ADAMTS14: variants seen among roughly 807,000 people sequenced by gnomAD.
ADAMTS14 encodes A disintegrin and metalloproteinase with thrombospondin motifs 14.
A neutral mutation model predicts 128.6 loss-of-function variants in ADAMTS14; 100 were observed. The ratio of observed to expected loss-of-function variants is 0.78; its 90% CI spans 0.66 to 0.92. The LOEUF is 0.92. Among genes scored for constraint, ADAMTS14 ranks in the 40% least tolerant of loss-of-function variants. The probability of loss-of-function intolerance (pLI) is 0.00; values close to 1 mark genes in which losing one functional copy is unlikely to be tolerated. For synonymous variants in ADAMTS14, 665 were observed against 653.8 expected (o/e 1.02, Z -0.26); for missense variants, 1,562 against 1,658.6 (o/e 0.94, Z 1.01).
intron 4 of ADAMTS14, among the ~76,000 whole-genome samples, chr10:70,709,577 T>C (rs1022334294): frequency 1.5e-5 from 2 of 135,106 alleles, no homozygotes; most frequent in Non-Finnish European, 1.5e-5. Flanking sequence ...CTCGGCTCAC[T>C]GCAAGCTCCA....
Position 70,729,328 on chromosome 10 carries a change from T to C in ADAMTS14, c.905T>C (p.Val302Ala), listed in dbSNP as rs145632694. 585 of 1,613,910 alleles carry C rather than the reference T, an allele frequency of 3.6e-4. 1 individual carries two copies. Among genetic ancestry groups the C allele is most frequent in the Non-Finnish European group, 4.7e-4 (551 of 1,179,964 alleles). Reference protein sequence around the residue: ...DEIYHDESLGVHINIALVRLI... With the variant: ...DEIYHDESLGAHINIALVRLI... The stretch of plus-strand genomic sequence containing the variant: ...ATTTACCACGATGAGTCCCTGGGGG[T>C]TCATATAAATATTGCCCTCGTCCGC... Residue 302 changes from valine to alanine, a missense_variant, in exon 5 of 22, where the codon GTT (valine) becomes GCT (alanine). Physicochemically the swap from Val to Ala is moderately conservative, Grantham distance 64. Coordinates refer to ENST00000373207, the MANE Select transcript of ADAMTS14 (RefSeq NM_080722.4).
At chr10:70,684,265 C>T (rs1370460140) in intron 2 of ADAMTS14, among the ~76,000 whole-genome samples, 1 of 152,104 alleles carries the variant, frequency 6.6e-6, no homozygotes, top group Non-Finnish European at 1.5e-5. Context: ...GTGATTCAAT[C>T]ACCTCCTAGC....
rs1449842529 is a variant in ADAMTS14, at chr10:70,760,889, CTG to C, written c.*40_*41del. On this transcript the variant is annotated 3_prime_UTR_variant, in exon 22 of 22. Transcript: ENST00000373207. ...GCCATCCCACTGGCACGTTTACACT[CTG>C]TGTACTGCCCCGTGACTCCCAGCTC... The C allele has an allele frequency of 1.3e-6, 2 of 1,527,414 alleles. No individual in the cohort carries two copies. The highest frequency in any genetic ancestry group is 1.8e-6 in the Non-Finnish European group (2 of 1,136,132). The allele number at this position is 1,527,414 out of a possible 1,614,324, so 94.6% of individuals were successfully genotyped here.
At chr10:70,729,116 T>C (rs1373365040) in intron 4 of ADAMTS14, among the ~76,000 whole-genome samples, 178 bp from the exon 5 acceptor site, 12 of 151,896 alleles carry the variant, frequency 7.9e-5, no homozygotes, top group African/African-American at 2.9e-4. Context: ...CAGTGTGTCC[T>C]CGGGCAGGTC....
Position 70,752,245 on chromosome 10 carries a change from G to A in ADAMTS14, c.2729+18G>A, listed in dbSNP as rs1842372040. The A allele has an allele frequency of 3.1e-6, 5 of 1,612,396 alleles. No individual in the cohort carries two copies. Among genetic ancestry groups the A allele is most frequent in the Middle Eastern group, 3.3e-4 (2 of 6,070 alleles). ...CAGCCTGTGTGAGTGCTCCCAGGGAGGGACGGGGAGTCTGGTTCTATGCCT... is the reference window on the plus strand; with the variant it reads ...CAGCCTGTGTGAGTGCTCCCAGGGAAGGACGGGGAGTCTGGTTCTATGCCT... On this transcript the variant is annotated intron_variant, in intron 18 of 21. Transcript: ENST00000373207.
Position 70,741,269 on chromosome 10 carries a change from G to C in ADAMTS14, c.1924+107G>C, listed in dbSNP as rs1022088857. ...CCTACATACACCAGTGAAGGTGGAG[G>C]GACAGTGGGGGTGCCAAAAGGGACA... is the stretch of plus-strand genomic sequence containing the variant. On this transcript the variant is annotated intron_variant, in intron 12 of 21. Coordinates refer to ENST00000373207, the MANE Select transcript of ADAMTS14 (RefSeq NM_080722.4). 3.0e-6 allele frequency: 4 copies of C among 1,345,508 alleles called. No individual in the cohort carries two copies. In the African/African-American group the frequency reaches 5.8e-5, roughly 20 times the overall value. 83.3% of individuals were successfully genotyped at this position (1,345,508 alleles called of 1,614,324 possible).
At chr10:70,713,196 G>A (rs1840914794) in intron 4 of ADAMTS14, among the ~76,000 whole-genome samples, 1 of 152,244 alleles carries the variant, frequency 6.6e-6, no homozygotes, top group South Asian at 2.1e-4. Flanking sequence ...GGTGTCGGCA[G>A]GTTCTGGAGG....
At chr10:70,710,557 T>A (rs1346210570) in intron 4 of ADAMTS14, among the ~76,000 whole-genome samples, 2 of 152,334 alleles carry the variant, frequency 1.3e-5, no homozygotes, top group Non-Finnish European at 2.9e-5. Flanking sequence ...GCTGGGAGGC[T>A]GTAAGAGATG....
At chr10:70,752,346 C>T (rs1162762278) in intron 18 of ADAMTS14, 119 bp downstream of exon 18, 1 of 1,397,140 alleles carries the variant, frequency 7.2e-7, no homozygotes, top group African/African-American at 1.5e-5. Flanking sequence ...ACCATACAGG[C>T]AACACAACTT....
intron 7 of ADAMTS14, among the ~76,000 whole-genome samples, chr10:70,732,866 C>A (rs1841692400): frequency 1.3e-5 from 2 of 152,214 alleles, no homozygotes; most frequent in African/African-American, 4.8e-5. Flanking sequence ...CTTGCCTGAT[C>A]TTAGGGCTTT....
intron 2 of ADAMTS14, among the ~76,000 whole-genome samples, chr10:70,676,028 G>A (rs989236293): frequency 7.2e-5 from 11 of 152,112 alleles, no homozygotes; most frequent in African/African-American, 2.2e-4. Context: ...TGCTGATTTC[G>A]TGGCTGCCTC....
chr10:70,724,223 T>C (rs1564539210), intron 4 of ADAMTS14, among the ~76,000 whole-genome samples: 3 of 152,172 alleles, frequency 2.0e-5, no homozygotes, highest in Non-Finnish European at 2.9e-5. Context: ...TTATCTCAGG[T>C]CAATATGTGG....
Position 70,672,891 on chromosome 10 carries a change from G to A in ADAMTS14, c.82+7G>A. Reference sequence around the variant, plus strand: ...GCGGGCAGCCGGACCCCAGGTGCGTGCGGGTTGGGCGCGCGGGGGCCCGTG... The same window carrying A: ...GCGGGCAGCCGGACCCCAGGTGCGTACGGGTTGGGCGCGCGGGGGCCCGTG... On this transcript the variant is annotated splice_region_variant and intron_variant, in intron 1 of 21. Coordinates refer to ENST00000373207, the MANE Select transcript of ADAMTS14 (RefSeq NM_080722.4). 1 of 1,465,780 alleles carries A rather than the reference G, an allele frequency of 6.8e-7. No homozygotes were observed. The highest frequency in any genetic ancestry group is 9.0e-7 in the Non-Finnish European group (1 of 1,116,376). 90.8% of individuals were successfully genotyped at this position (1,465,780 alleles called of 1,614,324 possible).
chr10:70,702,504 T>C, intron 3 of ADAMTS14, 36 bp downstream of exon 3: 1 of 1,566,726 alleles, frequency 6.4e-7, no homozygotes, highest in Non-Finnish European at 8.6e-7. Flanking sequence ...GCTGCTTCTC[T>C]CCCTACCTCT....
At chr10:70,743,511 C>A (rs758560875) in intron 12 of ADAMTS14, 37 bp from the exon 13 acceptor site, 3 of 1,597,620 alleles carry the variant, frequency 1.9e-6, no homozygotes, top group Non-Finnish European at 2.6e-6. Context: ...TTTCTCTGAG[C>A]CCAGCTGGGG....
chr10:70,683,984 G>C (rs940198988), intron 2 of ADAMTS14, among the ~76,000 whole-genome samples: 4 of 152,090 alleles, frequency 2.6e-5, no homozygotes, highest in Non-Finnish European at 4.4e-5. Context: ...ACTGAGGCTG[G>C]GTAATTTAGA....
intron 2 of ADAMTS14, among the ~76,000 whole-genome samples, chr10:70,676,906 G>A (rs1432943690): frequency 6.6e-6 from 1 of 152,226 alleles, no homozygotes; most frequent in Non-Finnish European, 1.5e-5. Flanking sequence ...CATCACACAG[G>A]TAGGCTGTAA....
chr10:70,752,136 C>T lies in ADAMTS14; in HGVS notation c.2638C>T (p.His880Tyr). 1 of 1,613,344 alleles carries T rather than the reference C, an allele frequency of 6.2e-7. No homozygotes were observed. The highest frequency in any genetic ancestry group is 8.5e-7 in the Non-Finnish European group (1 of 1,179,958). Residue 880 changes from histidine (H) to tyrosine (Y), a missense_variant, in exon 18 of 22, where the codon CAC (histidine) becomes TAC (tyrosine). By Grantham distance (83) the His-to-Tyr change is moderately conservative (BLOSUM62 2). Coordinates refer to ENST00000373207, the MANE Select transcript of ADAMTS14 (RefSeq NM_080722.4). Reference sequence around the variant, plus strand: ...ATACGGCTGCCGGCGCAGACGAGACCACCACATGGTGCAGCGACACCTGTG... The same window carrying T: ...ATACGGCTGCCGGCGCAGACGAGACTACCACATGGTGCAGCGACACCTGTG... The part of the protein sequence containing the change: ...TKYGCRRRRD[H>Y]HMVQRHLCDH...
chr10:70,675,542 T>C (rs73276159), intron 2 of ADAMTS14, among the ~76,000 whole-genome samples: 4,067 of 152,212 alleles, frequency 0.027, 182 homozygotes, highest in African/African-American at 0.092. Context: ...TCTTGTAACA[T>C]TGCGACGTCG....
Sources: gnomAD v4.1 joint callset for allele counts (sites outside exome capture counted in the v4.1 genomes callset) on GRCh38, gnomAD v4.1.1 for gene constraint, MANE v1.5 for transcripts, NCBI Gene and HGNC (gene_info 2026-07-23, HGNC 2026-07-21) for gene names.